MYO1D: variants seen among roughly 807,000 people sequenced by gnomAD.
The protein encoded by MYO1D is myosin ID.
In MYO1D, 83 loss-of-function variants were observed where a neutral mutation model predicts 122.0. The ratio of observed to expected loss-of-function variants is 0.68; its 90% CI spans 0.57 to 0.82. The LOEUF (loss-of-function observed/expected upper bound fraction) is 0.82, where lower values mean the gene tolerates loss of function less well. MYO1D is among the 40% of genes least tolerant of loss of function. The probability of loss-of-function intolerance (pLI) is 0.00; values close to 1 mark genes in which losing one functional copy is unlikely to be tolerated. For missense variants in MYO1D, 1,157 were observed against 1,269.5 expected (o/e 0.91, Z 1.35); for synonymous variants, 464 against 446.9 (o/e 1.04, Z -0.48).
In MYO1D at chr17:32,547,075, AT is replaced by A. The variant is rs71144837; in HGVS notation, c.2865-52161del. ...CATCACCGTGCCCAGCTAATTAAAC[AT>A]TTTTTTTTTTGTAAAGACAGCATCT... is the stretch of plus-strand genomic sequence containing the variant. On this transcript the variant is annotated intron_variant, in intron 21 of 21. Transcript: ENST00000318217. Among the ~76,000 whole-genome samples the A allele has an allele frequency of 7.0e-3, 1,037 of 148,088 alleles. 14 individuals carry two copies. Among genetic ancestry groups the A allele is most frequent in the African/African-American group, 0.024 (948 of 40,320 alleles).
intron 16 of MYO1D, among the ~76,000 whole-genome samples, chr17:32,707,969 C>T (rs1419474849): frequency 6.6e-6 from 1 of 152,154 alleles, no homozygotes; most frequent in Non-Finnish European, 1.5e-5. Context: ...GAAGCCTGCT[C>T]CTGGTTTCCT....
intron 1 of MYO1D, among the ~76,000 whole-genome samples, chr17:32,866,245 T>C (rs191655191): frequency 9.8e-5 from 15 of 152,308 alleles, no homozygotes; most frequent in Admixed American, 8.5e-4. Flanking sequence ...CACTGGGTGC[T>C]GTGTCTTGGA....
At chr17:32,757,328 T>C (rs1441516213) in intron 10 of MYO1D, among the ~76,000 whole-genome samples, 3 of 152,094 alleles carry the variant, frequency 2.0e-5, no homozygotes, top group Admixed American at 6.6e-5. Context: ...CAGGGGACAT[T>C]TGGCAATATC....
intron 21 of MYO1D, among the ~76,000 whole-genome samples, chr17:32,569,585 A>C (rs186455528): frequency 9.1e-4 from 139 of 152,304 alleles, no homozygotes; most frequent in Non-Finnish European, 6.8e-4. Context: ...CCACTGGATG[A>C]GCAATGGGAG....
chr17:32,642,130 G>A (rs2088210609), intron 19 of MYO1D, among the ~76,000 whole-genome samples: 2 of 152,216 alleles, frequency 1.3e-5, no homozygotes, highest in Non-Finnish European at 2.9e-5. Context: ...AAGGCATCCA[G>A]TTTCAGCTTT....
chr17:32,573,935 T>TCCG (rs929059593), intron 21 of MYO1D, among the ~76,000 whole-genome samples: 6 of 152,290 alleles, frequency 3.9e-5, no homozygotes, highest in Admixed American at 1.3e-4. Flanking sequence ...CACTGCAGGC[T>TCCG]CCGCCCCCCA....
chr17:32,702,091 G>A (rs1023293266), intron 16 of MYO1D, among the ~76,000 whole-genome samples: 1 of 152,190 alleles, frequency 6.6e-6, no homozygotes, highest in South Asian at 2.1e-4. Flanking sequence ...CTGCCAGTTT[G>A]AGGACAGTGG....
chr17:32,673,918 C>T (rs940026537), intron 16 of MYO1D, among the ~76,000 whole-genome samples: 1 of 151,980 alleles, frequency 6.6e-6, no homozygotes, highest in African/African-American at 2.4e-5. Flanking sequence ...TTTTCCCTTC[C>T]AGTTTTTCTT....
chr17:32,622,262 G>C (rs2087863261), intron 20 of MYO1D, among the ~76,000 whole-genome samples: 2 of 152,022 alleles, frequency 1.3e-5, no homozygotes, highest in Non-Finnish European at 2.9e-5. Flanking sequence ...GTCCTTGCTT[G>C]AGTACAGGTC....
chr17:32,753,079 A>C (rs1283215348), intron 11 of MYO1D, among the ~76,000 whole-genome samples: 1 of 152,232 alleles, frequency 6.6e-6, no homozygotes, highest in African/African-American at 2.4e-5. Context: ...TATATAATGG[A>C]ATACTATGCA....
chr17:32,692,897 C>T (rs1420614748), intron 16 of MYO1D, among the ~76,000 whole-genome samples: 1 of 152,204 alleles, frequency 6.6e-6, no homozygotes, highest in African/African-American at 2.4e-5. Flanking sequence ...ACTCCCTCCA[C>T]CAAAATATGC....
intron 1 of MYO1D, among the ~76,000 whole-genome samples, chr17:32,824,980 C>A (rs1294111225): frequency 6.6e-6 from 1 of 152,094 alleles, no homozygotes. Context: ...TGTTTTACTT[C>A]ATTTACTTCT....
intron 1 of MYO1D, among the ~76,000 whole-genome samples, chr17:32,784,351 C>CT (rs2090270939): frequency 6.6e-6 from 1 of 152,172 alleles, no homozygotes; most frequent in Non-Finnish European, 1.5e-5. Flanking sequence ...GCCAGATTCC[C>CT]TCTCCTTCTC....
intron 1 of MYO1D, among the ~76,000 whole-genome samples, chr17:32,814,467 T>C (rs1598120771): frequency 6.6e-6 from 1 of 152,336 alleles, no homozygotes; most frequent in African/African-American, 2.4e-5. Flanking sequence ...ACAGAAACCA[T>C]ATAAATGACC....
intron 20 of MYO1D, among the ~76,000 whole-genome samples, chr17:32,612,844 CT>C (rs2087720715): frequency 6.6e-6 from 1 of 152,024 alleles, no homozygotes; most frequent in African/African-American, 2.4e-5. Flanking sequence ...TCTCGGCTCA[CT>C]GCAGCCTCTA....
chr17:32,800,705 G>A (rs1202736522), intron 1 of MYO1D, among the ~76,000 whole-genome samples: 3 of 151,032 alleles, frequency 2.0e-5, no homozygotes, highest in Admixed American at 6.6e-5. Context: ...GTTTTTTTTT[G>A]TTTTTATTTT....
chr17:32,718,592 T>C (rs547651487), intron 15 of MYO1D, among the ~76,000 whole-genome samples: 1 of 152,042 alleles, frequency 6.6e-6, no homozygotes, highest in South Asian at 2.1e-4. Context: ...TCCCAGCTAT[T>C]TGGGAGGCTG....
At chr17:32,593,754 A>G (rs976747163) in intron 21 of MYO1D, among the ~76,000 whole-genome samples, 9 of 152,132 alleles carry the variant, frequency 5.9e-5, no homozygotes, top group African/African-American at 2.2e-4. Flanking sequence ...TGGCCAACAT[A>G]GTGAAACCCC....
At chr17:32,553,520 T>C (rs775642785) in intron 21 of MYO1D, among the ~76,000 whole-genome samples, 19 of 152,188 alleles carry the variant, frequency 1.2e-4, no homozygotes, top group Non-Finnish European at 2.2e-4. Flanking sequence ...GCTCCTCTTC[T>C]AGCAGCTGAA....
Sources: allele counts gnomAD v4.1 joint callset (sites outside exome capture counted in the v4.1 genomes callset), GRCh38; gene constraint gnomAD v4.1.1; transcripts MANE v1.5; gene names NCBI Gene and HGNC (gene_info 2026-07-23, HGNC 2026-07-21).